Variants in GPHN observed in about 807,000 individuals in gnomAD.
GPHN encodes gephyrin.
GPHN carries 17 observed loss-of-function variants against 95.5 expected under a neutral mutation model. The observed-to-expected ratio is 0.18, with a 90% CI of 0.12 to 0.27. The LOEUF (loss-of-function observed/expected upper bound fraction) is 0.27. Among genes scored for constraint, GPHN ranks in the 10% least tolerant of loss-of-function variants. The probability of loss-of-function intolerance (pLI) is 1.00; values close to 1 mark genes in which losing one functional copy is unlikely to be tolerated. For synonymous variants in GPHN, 320 were observed against 322.5 expected, an observed-to-expected ratio of 0.99 and a Z score of 0.08; for missense variants, 660 against 978.1, an observed-to-expected ratio of 0.67 and a Z score of 4.34.
chr14:67,003,700 T>C (rs2072403972), intron 9 of GPHN, among the ~76,000 whole-genome samples: 1 of 151,762 alleles, frequency 6.6e-6, no homozygotes, highest in Admixed American at 6.6e-5. Flanking sequence ...TATCATTAAA[T>C]TTCAGTTAAC....
the GPHN span, among the ~76,000 whole-genome samples, chr14:67,500,453 C>G: frequency 6.6e-6 from 1 of 151,986 alleles, no homozygotes; most frequent in African/African-American, 2.4e-5. Context: ...CCAATCAGGG[C>G]AACAAGAGTG....
chr14:67,038,735 C>A (rs1412495331), intron 10 of GPHN, among the ~76,000 whole-genome samples: 1 of 152,144 alleles, frequency 6.6e-6, no homozygotes, highest in Admixed American at 6.5e-5. Flanking sequence ...TGGCATCTCA[C>A]ATTTCTTTCA....
intron 11 of GPHN, among the ~76,000 whole-genome samples, chr14:67,064,333 G>A (rs1032415475): frequency 6.6e-6 from 1 of 152,160 alleles, no homozygotes; most frequent in Non-Finnish European, 1.5e-5. Context: ...GATTCGGTTT[G>A]CCAGTATTTT....
At chr14:67,294,843 T>C in the GPHN span, 1 of 152,274 alleles carries the variant, frequency 6.6e-6, no homozygotes, top group East Asian at 2.0e-4. Flanking sequence ...CAGCTAATTT[T>C]TTGTACTTTT....
At chr14:67,220,845 C>T in the GPHN span, among the ~76,000 whole-genome samples, 2 of 152,174 alleles carry the variant, frequency 1.3e-5, no homozygotes, top group Non-Finnish European at 2.9e-5. Flanking sequence ...TTAACATTTA[C>T]TTTCTGAAAG....
At chr14:67,272,629 G>A in the GPHN span, among the ~76,000 whole-genome samples, 2 of 152,046 alleles carry the variant, frequency 1.3e-5, no homozygotes, top group Non-Finnish European at 2.9e-5. Context: ...ATATGAAGTA[G>A]ATACTAAGTT....
chr14:67,176,588 C>T (rs146038194), intron 21 of GPHN, among the ~76,000 whole-genome samples: 26 of 152,298 alleles, frequency 1.7e-4, no homozygotes, highest in African/African-American at 6.3e-4. Flanking sequence ...ATGCTGGCCT[C>T]ATAAAATGAG....
intron 2 of GPHN, among the ~76,000 whole-genome samples, chr14:66,732,756 C>T (rs2071896221): frequency 6.6e-6 from 1 of 152,124 alleles, no homozygotes; most frequent in Admixed American, 6.5e-5. Flanking sequence ...ACCTCGTGAT[C>T]CACCCCCCTC....
At chr14:66,762,377 T>A (rs1220642670) in intron 2 of GPHN, among the ~76,000 whole-genome samples, 1 of 152,134 alleles carries the variant, frequency 6.6e-6, no homozygotes, top group Non-Finnish European at 1.5e-5. Context: ...CTGATTATAT[T>A]CCACTGGCCA....
intron 3 of GPHN, among the ~76,000 whole-genome samples, chr14:66,812,167 A>G (rs2060790693): frequency 6.6e-6 from 1 of 152,176 alleles, no homozygotes; most frequent in African/African-American, 2.4e-5. Flanking sequence ...AACTCCCTGT[A>G]TTTCTGGCTG....
chr14:66,685,815 C>T (rs1483540629), intron 2 of GPHN, among the ~76,000 whole-genome samples: 3 of 152,174 alleles, frequency 2.0e-5, no homozygotes, highest in African/African-American at 7.2e-5. Context: ...ACATGAAGTC[C>T]TTGCCCATGC....
intron 1 of GPHN, among the ~76,000 whole-genome samples, chr14:66,662,215 G>A (rs1311300468): frequency 6.6e-6 from 1 of 152,102 alleles, no homozygotes; most frequent in Admixed American, 6.5e-5. Flanking sequence ...TCCTGACTGG[G>A]TGACACCTCC....
the GPHN span, chr14:67,706,279 A>T: frequency 6.6e-6 from 1 of 152,356 alleles, no homozygotes; most frequent in East Asian, 1.9e-4. Flanking sequence ...TAAAAATATA[A>T]TGTCATTTTC....
At chr14:66,573,560 C>T (rs1446221649) in intron 1 of GPHN, among the ~76,000 whole-genome samples, 1 of 150,436 alleles carries the variant, frequency 6.6e-6, no homozygotes. Context: ...TCAAGTGATT[C>T]TCCTGCCTCA....
chr14:66,637,763 T>C (rs72726438), intron 1 of GPHN, among the ~76,000 whole-genome samples: 8,831 of 152,204 alleles, frequency 0.058, 355 homozygotes, highest in Middle Eastern at 0.099. Context: ...GGGAGCATGT[T>C]TAAATACAGT....
the GPHN span, among the ~76,000 whole-genome samples, chr14:67,495,291 TG>T: frequency 6.6e-6 from 1 of 152,156 alleles, no homozygotes; most frequent in Non-Finnish European, 1.5e-5. Flanking sequence ...GCTTCTCCAT[TG>T]ATTTACTCCC....
At chr14:67,087,037 CAAAAAAAAA>C (rs60067524) in intron 11 of GPHN, among the ~76,000 whole-genome samples, 3 of 77,240 alleles carry the variant, frequency 3.9e-5, no homozygotes, top group Non-Finnish European at 9.3e-5. Flanking sequence ...GACTCTGTCT[CAAAAAAAAA>C]AAAAAAAAAA....
At chr14:66,527,447 T>A (rs2058738169) in intron 1 of GPHN, among the ~76,000 whole-genome samples, 3 of 151,976 alleles carry the variant, frequency 2.0e-5, no homozygotes, top group South Asian at 4.2e-4. Context: ...TTTGAGGAGA[T>A]TTTCATGTCT....
At chr14:66,589,088 G>GA (rs200614729) in intron 1 of GPHN, among the ~76,000 whole-genome samples, 83 of 151,570 alleles carry the variant, frequency 5.5e-4, no homozygotes, top group African/African-American at 1.6e-3. Context: ...TCAACCTTCT[G>GA]AAAAAAAAGA....
Sources: allele counts gnomAD v4.1 joint callset (sites outside exome capture counted in the v4.1 genomes callset), GRCh38; gene constraint gnomAD v4.1.1; transcripts MANE v1.5; gene names NCBI Gene and HGNC (gene_info 2026-07-23, HGNC 2026-07-21).